Variants in CD47 observed in about 807,000 individuals in gnomAD.
The protein encoded by CD47 is CD47 molecule.
CD47 carries 11 observed loss-of-function variants against 44.6 expected under a neutral mutation model. The ratio of observed to expected loss-of-function variants is 0.25; its 90% CI spans 0.16 to 0.41. The LOEUF is 0.41. Ranked by LOEUF, CD47 falls within the 10% of genes least tolerant of loss-of-function variation. CD47 has a pLI of 1.00. For synonymous variants in CD47, 140 were observed against 136.3 expected (o/e 1.03, Z -0.19); for missense variants, 306 against 386.7 (o/e 0.79, Z 1.75).
intron 1 of CD47, among the ~76,000 whole-genome samples, chr3:108,088,944 C>CG (rs1422932033): frequency 6.6e-6 from 1 of 152,100 alleles, no homozygotes; most frequent in African/African-American, 2.4e-5. Context: ...CCCTGATTCC[C>CG]GGGGCTTAAT....
intron 1 of CD47, among the ~76,000 whole-genome samples, chr3:108,089,601 C>T (rs1310991311): frequency 2.6e-5 from 4 of 152,128 alleles, no homozygotes; most frequent in African/African-American, 7.2e-5. Flanking sequence ...AACAAGCATA[C>T]TAAACGTGAT....
At chr3:108,088,227 T>C (rs1352568186) in intron 1 of CD47, among the ~76,000 whole-genome samples, 1 of 152,198 alleles carries the variant, frequency 6.6e-6, no homozygotes, top group African/African-American at 2.4e-5. Flanking sequence ...GAAATGCAAA[T>C]CTAGTTTTGC....
At chr3:108,082,163 T>C (rs1253034138) in intron 1 of CD47, among the ~76,000 whole-genome samples, 2 of 151,956 alleles carry the variant, frequency 1.3e-5, no homozygotes, top group Non-Finnish European at 2.9e-5. Flanking sequence ...CAAAGACTAC[T>C]GGGTATCCTT....
chr3:108,086,639 C>T (rs2079527136), intron 1 of CD47, among the ~76,000 whole-genome samples: 1 of 152,084 alleles, frequency 6.6e-6, no homozygotes. Context: ...GGCAGTGATT[C>T]TTTTACAATA....
At chr3:108,084,579 A>G (rs1560037815) in intron 1 of CD47, among the ~76,000 whole-genome samples, 1 of 152,112 alleles carries the variant, frequency 6.6e-6, no homozygotes. Context: ...TCTAAACTGC[A>G]GATGTTGGAC....
At chr3:108,054,763 T>G (rs2078885057) in intron 7 of CD47, 1 of 152,226 alleles carries the variant, frequency 6.6e-6, no homozygotes, top group Non-Finnish European at 1.5e-5. Flanking sequence ...TACATAGATA[T>G]AAATTCTACG....
chr3:108,081,744 A>G (rs1385699104), intron 1 of CD47, among the ~76,000 whole-genome samples: 2 of 152,024 alleles, frequency 1.3e-5, no homozygotes, highest in Admixed American at 1.3e-4. Context: ...TAACATGGAA[A>G]ACATAGCGGC....
At chr3:108,064,130 T>C (rs982783110) in intron 3 of CD47, among the ~76,000 whole-genome samples, 2 of 152,344 alleles carry the variant, frequency 1.3e-5, no homozygotes, top group Non-Finnish European at 2.9e-5. Context: ...ACAAGTAGAT[T>C]ACTTTATTTG....
chr3:108,069,253 TC>T (rs2079154608), intron 3 of CD47, among the ~76,000 whole-genome samples: 2 of 152,062 alleles, frequency 1.3e-5, no homozygotes, highest in Non-Finnish European at 2.9e-5. Context: ...ATTGGAAACA[TC>T]CTTAAAATCC....
At chr3:108,070,965 A>G in intron 3 of CD47, 128 bp downstream of exon 3, 1 of 546,268 alleles carries the variant, frequency 1.8e-6, no homozygotes, top group Non-Finnish European at 3.3e-6. Flanking sequence ...GTAGTATTCA[A>G]ATTACATACT....
At chr3:108,051,694 G>A (rs1281175286) in intron 8 of CD47, 1 of 612,070 alleles carries the variant, frequency 1.6e-6, no homozygotes, top group Non-Finnish European at 3.2e-6. Context: ...CTACTTTCCA[G>A]TTTTGGGTGT....
chr3:108,090,410 G>C (rs1238171385), intron 1 of CD47, among the ~76,000 whole-genome samples: 2 of 152,148 alleles, frequency 1.3e-5, no homozygotes, highest in Non-Finnish European at 2.9e-5. Flanking sequence ...CACTTCCATC[G>C]CAAGAGGCCC....
intron 3 of CD47, among the ~76,000 whole-genome samples, chr3:108,066,015 G>A (rs913245391): frequency 5.9e-5 from 9 of 151,970 alleles, no homozygotes; most frequent in Non-Finnish European, 1.0e-4. Context: ...TCTAATCTAT[G>A]AAGAAATTTC....
At chr3:108,086,741 G>A (rs1292073491) in intron 1 of CD47, among the ~76,000 whole-genome samples, 2 of 152,048 alleles carry the variant, frequency 1.3e-5, no homozygotes, top group African/African-American at 2.4e-5. Flanking sequence ...GAGGTTTTTT[G>A]TTTTATTTTT....
chr3:108,081,751 C>CG (rs2079423599), intron 1 of CD47, among the ~76,000 whole-genome samples: 1 of 152,028 alleles, frequency 6.6e-6, no homozygotes, highest in African/African-American at 2.4e-5. Flanking sequence ...GAAAACATAG[C>CG]GGCAAGTGCT....
intron 3 of CD47, among the ~76,000 whole-genome samples, chr3:108,068,334 G>A (rs962387696): frequency 6.6e-6 from 1 of 152,096 alleles, no homozygotes; most frequent in Non-Finnish European, 1.5e-5. Context: ...GCTTAAATGT[G>A]GGTGCTACAA....
chr3:108,072,576 A>C (rs996529738), intron 2 of CD47, among the ~76,000 whole-genome samples: 1 of 152,042 alleles, frequency 6.6e-6, no homozygotes, highest in Non-Finnish European at 1.5e-5. Flanking sequence ...ACTTTTTTTT[A>C]TGCTTCTTTG....
intron 3 of CD47, among the ~76,000 whole-genome samples, chr3:108,069,399 C>T (rs879354272): frequency 2.0e-5 from 3 of 151,006 alleles, no homozygotes; most frequent in Non-Finnish European, 2.9e-5. Context: ...TTTATGGTTA[C>T]CTTTTTTTAA....
intron 2 of CD47, among the ~76,000 whole-genome samples, chr3:108,072,562 G>A (rs2079224127): frequency 6.6e-6 from 1 of 152,176 alleles, no homozygotes; most frequent in Non-Finnish European, 1.5e-5. Context: ...CGAGTGAATG[G>A]AAGACTTTTT....
Sources: gnomAD v4.1 joint callset for allele counts (sites outside exome capture counted in the v4.1 genomes callset) on GRCh38, gnomAD v4.1.1 for gene constraint, MANE v1.5 for transcripts, NCBI Gene and HGNC (gene_info 2026-07-23, HGNC 2026-07-21) for gene names.